The following BRD9 variants were observed in gnomAD, a reference collection of about 807,000 sequenced individuals.
The protein encoded by BRD9 is bromodomain-containing protein 9.
BRD9 carries 47 observed loss-of-function variants against 68.7 expected under a neutral mutation model. That is an observed-to-expected ratio of 0.68 (90% confidence interval 0.54 to 0.87). The LOEUF (loss-of-function observed/expected upper bound fraction) is 0.87, where lower values mean the gene tolerates loss of function less well. Ranked by LOEUF, BRD9 falls within the 40% of genes least tolerant of loss-of-function variation. The probability of loss-of-function intolerance (pLI) is 0.00; values close to 1 mark genes in which losing one functional copy is unlikely to be tolerated. For missense variants in BRD9, 670 were observed against 748.4 expected (o/e 0.90, Z 1.22); for synonymous variants, 313 against 293.9 (o/e 1.06, Z -0.67).
rs949419466 is a variant in BRD9, at chr5:891,427, T to A, written c.268-140A>T. 77 of 1,364,732 alleles carry A rather than the reference T, an allele frequency of 5.6e-5. No homozygotes were observed. The African/African-American group carries it at 8.9e-4, about 16-fold the overall frequency. The allele number at this position is 1,364,732 out of a possible 1,614,324, so 84.5% of individuals were successfully genotyped here. On this transcript the variant is annotated intron_variant, in intron 2 of 15. Transcript: ENST00000467963. ...GAGATCCTCCTCATGCCAGGCTCCC[T>A]CCTCACAGAGACCCTGGCAGGGTCT...
At chr5:889,684 T>G in intron 3 of BRD9, 37 bp from the exon 4 acceptor site, 1 of 1,607,128 alleles carries the variant, frequency 6.2e-7, no homozygotes, top group Non-Finnish European at 8.5e-7. Flanking sequence ...AATACAAGAC[T>G]TTGGTATCCC....
intron 3 of BRD9, among the ~76,000 whole-genome samples, chr5:890,348 T>C (rs1753178928): frequency 6.6e-6 from 1 of 152,138 alleles, no homozygotes; most frequent in Non-Finnish European, 1.5e-5. Flanking sequence ...CCCCACTCCC[T>C]GATGTCCCAT....
chr5:885,240 C>T (rs1372829445), intron 7 of BRD9, among the ~76,000 whole-genome samples: 3 of 152,232 alleles, frequency 2.0e-5, no homozygotes, highest in African/African-American at 2.4e-5. Flanking sequence ...GGAAATGCAA[C>T]GCACGTGGGG....
intron 1 of BRD9, 168 bp downstream of exon 1, chr5:892,438 T>C (rs1020941503): frequency 4.3e-6 from 6 of 1,394,694 alleles, no homozygotes; most frequent in Non-Finnish European, 5.6e-6. Context: ...CCCTCACGTG[T>C]GCCCGGTTCC....
chr5:892,267 G>A (rs913932187), intron 1 of BRD9: 2 of 477,998 alleles, frequency 4.2e-6, no homozygotes, highest in Non-Finnish European at 7.2e-6. Flanking sequence ...CGGGAGCAAG[G>A]GAGAGGGAGG....
chr5:892,730 C>T lies in BRD9; in HGVS notation c.-73G>A. The T allele has an allele frequency of 2.4e-6, 3 of 1,236,460 alleles. No individual in the cohort carries two copies. The highest frequency in any genetic ancestry group is 3.1e-6 in the Non-Finnish European group (3 of 981,474). The allele number at this position is 1,236,460 out of a possible 1,614,324, so 76.6% of individuals were successfully genotyped here. A position where few individuals can be genotyped will look rare whatever the true frequency, so the allele number is the denominator to read the frequency against. On this transcript the variant is annotated 5_prime_UTR_variant, in exon 1 of 16. Coordinates refer to ENST00000467963, the MANE Select transcript of BRD9 (RefSeq NM_023924.5). ...CCCGGTCGGACCTTGGCCGCCACCG[C>T]CCCCTGGCCCTGGCTGGCCGCCCGC...
Position 870,577 on chromosome 5 carries a change from T to A in BRD9, c.1423-2A>T, listed in dbSNP as rs770114263. The A allele has an allele frequency of 4.4e-6, 7 of 1,605,336 alleles. No homozygotes were observed. The East Asian group carries it at 1.6e-4, about 36-fold the overall frequency. On this transcript the variant is annotated splice_acceptor_variant, in intron 13 of 15. Transcript: ENST00000467963. LOFTEE classifies it high-confidence loss of function. ...GCTGTCTCCTAGGGTGTCCCCAACC[T>A]GTGGAGACAGACACACATCAAGAGC...
At position 864,042 on chromosome 5, in the gene BRD9, G is replaced by A. The variant is rs1415209258; in HGVS notation, c.*426C>T. ...GAGGTGTCTACACTGGCAGAAACAA[G>A]GGCTGGAGCCACACGTGATGCTCGG... is the stretch of plus-strand genomic sequence containing the variant. On this transcript the variant is annotated 3_prime_UTR_variant, in exon 16 of 16. Coordinates refer to ENST00000467963, the MANE Select transcript of BRD9 (RefSeq NM_023924.5). 1 of 160,326 alleles carries A rather than the reference G, an allele frequency of 6.2e-6. No individual in the cohort carries two copies. The highest frequency in any genetic ancestry group is 1.4e-5 in the Non-Finnish European group (1 of 72,520). 9.9% of individuals were successfully genotyped at this position (160,326 alleles called of 1,614,324 possible). A position where few individuals can be genotyped will look rare whatever the true frequency, so the allele number is the denominator to read the frequency against.
At chr5:883,574 AC>A in intron 8 of BRD9, 1 of 390,002 alleles carries the variant, frequency 2.6e-6, no homozygotes, top group Non-Finnish European at 5.0e-6. Context: ...CAACACCAGC[AC>A]CCCCACTGGA....
intron 5 of BRD9, among the ~76,000 whole-genome samples, chr5:888,054 C>T (rs558622304): frequency 6.6e-5 from 10 of 152,328 alleles, no homozygotes; most frequent in Admixed American, 2.6e-4. Flanking sequence ...TGAGTACCAA[C>T]GTCAGGCTGG....
At chr5:865,674 T>A in intron 14 of BRD9, 93 bp from the exon 15 acceptor site, 1 of 1,352,306 alleles carries the variant, frequency 7.4e-7, no homozygotes, top group Non-Finnish European at 1.0e-6. Context: ...GACAGGCCTC[T>A]CTGCTCAGGA....
rs780403748 is a variant in BRD9, at chr5:889,662, A to G, written c.401-15T>C. 6.2e-7 allele frequency: 1 copy of G among 1,602,496 alleles called. No homozygotes were observed. The highest frequency in any genetic ancestry group is 1.1e-5 in the South Asian group (1 of 90,814). On this transcript the variant is annotated splice_polypyrimidine_tract_variant and intron_variant, in intron 3 of 15. Transcript: ENST00000467963. ...CTCATTTTCGGCTGACAATTTAAGG[A>G]AAAAAAAATTGAATACAAGACTTTG...
intron 11 of BRD9, among the ~76,000 whole-genome samples, chr5:877,577 A>G (rs1378295332): frequency 6.6e-6 from 1 of 152,266 alleles, no homozygotes; most frequent in Admixed American, 6.5e-5. Flanking sequence ...AAATTTTACA[A>G]GAGTGACCCA....
At chr5:892,405 G>T in intron 1 of BRD9, 2 of 1,233,124 alleles carry the variant, frequency 1.6e-6, no homozygotes, top group Non-Finnish European at 2.1e-6. Flanking sequence ...CCTCTACCAG[G>T]AACGTAAGCG....
intron 3 of BRD9, 173 bp from the exon 4 acceptor site, chr5:889,820 G>C: frequency 7.2e-7 from 1 of 1,383,644 alleles, no homozygotes; most frequent in African/African-American, 1.5e-5. Flanking sequence ...AAGCTCAGCC[G>C]GGTAGAAAGG....
chr5:890,241 G>A (rs28567708), intron 3 of BRD9, among the ~76,000 whole-genome samples: 12,935 of 152,120 alleles, frequency 0.085, 837 homozygotes, highest in African/African-American at 0.18. Flanking sequence ...ATGACCACAG[G>A]AGCTCAGAAG....
chr5:885,462 T>C (rs555582054), intron 7 of BRD9, among the ~76,000 whole-genome samples: 5 of 152,260 alleles, frequency 3.3e-5, no homozygotes, highest in South Asian at 4.2e-4. Context: ...CCCATACACA[T>C]GTGAGAAGGA....
intron 4 of BRD9, 55 bp from the exon 5 acceptor site, chr5:889,220 A>C: frequency 6.5e-7 from 1 of 1,540,142 alleles, no homozygotes; most frequent in Non-Finnish European, 8.7e-7. Flanking sequence ...ATGATACAAA[A>C]TCTCTTACAA....
At chr5:869,369 C>T (rs1418016989) in intron 14 of BRD9, 1 of 456,218 alleles carries the variant, frequency 2.2e-6, no homozygotes, top group Non-Finnish European at 4.4e-6. Flanking sequence ...GACTTTAGTA[C>T]AGCATCACGT....
Sources: allele counts gnomAD v4.1 joint callset (sites outside exome capture counted in the v4.1 genomes callset), GRCh38; gene constraint gnomAD v4.1.1; transcripts MANE v1.5; gene names NCBI Gene and HGNC (gene_info 2026-07-23, HGNC 2026-07-21).